The following CLOCK variants were observed in gnomAD, a reference collection of about 807,000 sequenced individuals.
CLOCK encodes clock circadian regulator.
Under a neutral mutation model 118.4 loss-of-function variants are expected in CLOCK, and 43 were observed. That is an observed-to-expected ratio of 0.36 (90% CI 0.28 to 0.47). The LOEUF is 0.47. Among genes scored for constraint, CLOCK ranks in the 20% least tolerant of loss-of-function variants. The pLI is 1.00. For synonymous variants in CLOCK, 326 were observed against 339.2 expected, an observed-to-expected ratio of 0.96 and a Z score of 0.43; for missense variants, 846 against 999.9, an observed-to-expected ratio of 0.85 and a Z score of 2.08.
chr4:55,514,668 T>A (rs1729377323), intron 1 of CLOCK, among the ~76,000 whole-genome samples: 1 of 152,198 alleles, frequency 6.6e-6, no homozygotes, highest in Non-Finnish European at 1.5e-5. Context: ...TATGATCATA[T>A]GATTTGGTTT....
At chr4:55,449,838 T>A (rs943178334) in intron 16 of CLOCK, among the ~76,000 whole-genome samples, 3 of 152,162 alleles carry the variant, frequency 2.0e-5, no homozygotes, top group African/African-American at 7.2e-5. Flanking sequence ...AATAGTTGCC[T>A]TTCTTTTTGA....
intron 2 of CLOCK, among the ~76,000 whole-genome samples, chr4:55,497,804 C>A (rs986321697): frequency 2.0e-5 from 3 of 152,026 alleles, no homozygotes; most frequent in Admixed American, 6.5e-5. Flanking sequence ...CACATATTTC[C>A]CCTTTTGGAA....
intron 15 of CLOCK, chr4:55,452,684 G>T (rs908388193): frequency 5.1e-6 from 1 of 196,510 alleles, no homozygotes; most frequent in African/African-American, 2.4e-5. Context: ...CTTTAGGGAA[G>T]ATTTTTTTTT....
rs750984659 is a variant in CLOCK, at chr4:55,455,894, T to C, written c.982+3A>G. 3 of 1,592,926 alleles carry C rather than the reference T, an allele frequency of 1.9e-6. No individual in the cohort carries two copies. Among genetic ancestry groups the C allele is most frequent in the South Asian group, 1.1e-5 (1 of 90,606 alleles). ...ATCACCAGAAATGTTAAAATCTACT[T>C]ACAGTGCTCATGACATTTTGCCAAA... On this transcript the variant is annotated splice_donor_region_variant and intron_variant, in intron 13 of 22. Coordinates refer to ENST00000513440, the MANE Select transcript of CLOCK (RefSeq NM_004898.4).
At chr4:55,526,663 T>C (rs919856390) in intron 1 of CLOCK, among the ~76,000 whole-genome samples, 1 of 151,580 alleles carries the variant, frequency 6.6e-6, no homozygotes, top group Non-Finnish European at 1.5e-5. Context: ...AAAAAAAAGC[T>C]CTAGGCCGGG....
intron 2 of CLOCK, among the ~76,000 whole-genome samples, chr4:55,491,921 A>G (rs1230743681): frequency 6.6e-6 from 1 of 152,180 alleles, no homozygotes; most frequent in East Asian, 1.9e-4. Flanking sequence ...AAACTTCCCA[A>G]TGAAGAAAAG....
chr4:55,438,467 G>A lies in CLOCK; in HGVS notation c.2176C>T (p.Pro726Ser). The change falls in exon 22 of 23, where the codon CCT (proline) becomes TCT (serine). Residue 726 changes from proline (P) to serine (S), a missense_variant. Physicochemically the swap from Pro to Ser is moderately conservative, Grantham distance 74 (BLOSUM62 -1). Coordinates refer to ENST00000513440, the MANE Select transcript of CLOCK (RefSeq NM_004898.4). ...ACCTGGCCCATAAGCATAGTACTAG[G>A]TACCATGACTGCCCCACAAGCTACA... is the stretch of plus-strand genomic sequence containing the variant. ...APVACGAVMV[P>S]STMLMGQVVT... The A allele has an allele frequency of 6.2e-7, 1 of 1,613,822 alleles. No homozygotes were observed. The highest frequency in any genetic ancestry group is 1.7e-5 in the Admixed American group (1 of 59,986).
chr4:55,429,737 A>G lies in CLOCK; in HGVS notation c.*5678T>C, dbSNP rs1722385587. 1 of 152,242 alleles carries G rather than the reference A, an allele frequency of 6.6e-6. No individual in the cohort carries two copies. The highest frequency in any genetic ancestry group is 6.5e-5 in the Admixed American group (1 of 15,284). The allele number at this position is 152,242 out of a possible 1,614,324, so 9.4% of individuals were successfully genotyped here. ...ACTGTGTTGGGGAAGTAATCACACA[A>G]AAAGTGCCCATAAAACAAAGAAGGC... On this transcript the variant is annotated 3_prime_UTR_variant, in exon 23 of 23. Transcript: ENST00000513440.
intron 15 of CLOCK, among the ~76,000 whole-genome samples, chr4:55,450,989 C>T (rs1724392323): frequency 6.6e-6 from 1 of 151,900 alleles, no homozygotes; most frequent in South Asian, 2.1e-4. Context: ...TTTCTTTCTC[C>T]ATCAGCTCAT....
intron 1 of CLOCK, among the ~76,000 whole-genome samples, chr4:55,522,555 C>T (rs921393840): frequency 3.3e-5 from 5 of 151,236 alleles, no homozygotes; most frequent in African/African-American, 9.7e-5. Flanking sequence ...ACATGCTAAA[C>T]TTTATGAACA....
chr4:55,486,590 G>T (rs146958899), intron 3 of CLOCK: 2 of 150,246 alleles, frequency 1.3e-5, no homozygotes, highest in South Asian at 2.1e-4. Context: ...TTAAGGCTTC[G>T]TAAGTCTAAA....
At chr4:55,502,410 A>G (rs1358404430) in intron 2 of CLOCK, among the ~76,000 whole-genome samples, 1 of 152,236 alleles carries the variant, frequency 6.6e-6, no homozygotes, top group East Asian at 1.9e-4. Context: ...ATGAATAAAC[A>G]GTCCCTTGCA....
rs554956028 is a variant in CLOCK at position 55,459,492 on chromosome 4, A to G, written c.560-231T>C. 1.7e-4 allele frequency among the ~76,000 whole-genome samples: 26 copies of G among 152,280 alleles called. No homozygotes were observed. In the South Asian group the frequency reaches 2.1e-3, roughly 12 times the overall value. On this transcript the variant is annotated intron_variant, in intron 9 of 22. Transcript: ENST00000513440. ...GGTGCAAACAACTTAATGTTTCCCT[A>G]TTTTTAGCTACTCATCCTTTTCATT...
chr4:55,508,585 C>T (rs1728951076), intron 2 of CLOCK, among the ~76,000 whole-genome samples: 1 of 136,118 alleles, frequency 7.3e-6, no homozygotes, highest in African/African-American at 2.6e-5. Context: ...TAAAGGGCCA[C>T]ACGGGTAAAT....
At position 55,432,618 on chromosome 4, in the gene CLOCK, T is replaced by TG. The variant is rs1722595665; in HGVS notation, c.*2796dup. 1 of 114,842 alleles carries TG rather than the reference T, an allele frequency of 8.7e-6. No homozygotes were observed. Among genetic ancestry groups the TG allele is most frequent in the Non-Finnish European group, 1.7e-5 (1 of 60,056 alleles). The allele number at this position is 114,842 out of a possible 1,614,324, so 7.1% of individuals were successfully genotyped here. On this transcript the variant is annotated 3_prime_UTR_variant, in exon 23 of 23. Transcript: ENST00000513440. ...TCTTCATTTGAATGCTCAAGTTTCA[T>TG]GGGGCAGGGTGGGGGGCGGGATAGC...
chr4:55,447,523 A>G (rs4864990), intron 18 of CLOCK, among the ~76,000 whole-genome samples: 51,379 of 152,024 alleles, frequency 0.34, 9,394 homozygotes, highest in East Asian at 0.58. Context: ...AGAAGGTAGG[A>G]TAACAGGAAG....
At chr4:55,500,549 T>C (rs1484179024) in intron 2 of CLOCK, among the ~76,000 whole-genome samples, 2 of 151,972 alleles carry the variant, frequency 1.3e-5, no homozygotes, top group African/African-American at 4.8e-5. Flanking sequence ...CAAGATCTCA[T>C]TATGTTGCCC....
chr4:55,437,807 TA>T (rs1723007070), intron 22 of CLOCK, among the ~76,000 whole-genome samples: 1 of 152,204 alleles, frequency 6.6e-6, no homozygotes, highest in Admixed American at 6.5e-5. Flanking sequence ...ATAGATATAC[TA>T]CACCTCCATG....
At chr4:55,539,600 A>C (rs1236829139) in intron 1 of CLOCK, among the ~76,000 whole-genome samples, 47 of 134,836 alleles carry the variant, frequency 3.5e-4, no homozygotes, top group African/African-American at 1.3e-3. Flanking sequence ...AAAAAAAAAA[A>C]GGTGAAATTG....
Sources: allele counts gnomAD v4.1 joint callset (sites outside exome capture counted in the v4.1 genomes callset), GRCh38; gene constraint gnomAD v4.1.1; transcripts MANE v1.5; gene names NCBI Gene and HGNC (gene_info 2026-07-23, HGNC 2026-07-21).